The following LINGO2 variants were observed in gnomAD, a reference collection of about 807,000 sequenced individuals.
The protein encoded by LINGO2 is leucine-rich repeat and immunoglobulin-like domain-containing nogo receptor-interacting protein 2.
A neutral mutation model predicts 30.6 loss-of-function variants in LINGO2; 14 were observed. The ratio of observed to expected loss-of-function variants is 0.46; its 90% CI spans 0.30 to 0.72. LINGO2 has a LOEUF of 0.72. Among genes scored for constraint, LINGO2 ranks in the 30% least tolerant of loss-of-function variants. LINGO2 has a pLI of 0.07. For missense variants in LINGO2, 729 were observed against 751.7 expected, an observed-to-expected ratio of 0.97 and a Z score of 0.35; for synonymous variants, 317 against 288.5, an observed-to-expected ratio of 1.10 and a Z score of -1.00.
At chr9:28,636,503 AATG>A (rs1827282705) in intron 1 of LINGO2, among the ~76,000 whole-genome samples, 1 of 152,110 alleles carries the variant, frequency 6.6e-6, no homozygotes, top group Non-Finnish European at 1.5e-5. Context: ...CTGACTTTTT[AATG>A]ATTGCCATTC....
intron 1 of LINGO2, among the ~76,000 whole-genome samples, chr9:28,574,120 G>A (rs544099010): frequency 1.3e-5 from 2 of 152,244 alleles, no homozygotes; most frequent in Middle Eastern, 3.4e-3. Context: ...TTTCACTACA[G>A]ACTTCTAAGC....
At chr9:28,601,878 G>T (rs922411522) in intron 1 of LINGO2, among the ~76,000 whole-genome samples, 3 of 152,004 alleles carry the variant, frequency 2.0e-5, no homozygotes, top group Non-Finnish European at 4.4e-5. Flanking sequence ...TAAAGCTAGT[G>T]AAAAAAGGCA....
chr9:29,008,778 G>T, the LINGO2 span, among the ~76,000 whole-genome samples: 1 of 151,846 alleles, frequency 6.6e-6, no homozygotes. Context: ...GGGGTTGTTT[G>T]ATTTTTTTCT....
At chr9:28,302,648 G>T (rs1824192656) in intron 3 of LINGO2, among the ~76,000 whole-genome samples, 1 of 152,138 alleles carries the variant, frequency 6.6e-6, no homozygotes, top group Non-Finnish European at 1.5e-5. Flanking sequence ...TCCAACCTGG[G>T]CAACTGAGTG....
the LINGO2 span, among the ~76,000 whole-genome samples, chr9:29,097,828 T>C: frequency 7.2e-6 from 1 of 138,732 alleles, no homozygotes; most frequent in Admixed American, 7.4e-5. Flanking sequence ...AATACTATGA[T>C]AGCTAATCTG....
At chr9:28,366,724 G>A (rs1820691526) in intron 3 of LINGO2, among the ~76,000 whole-genome samples, 1 of 133,678 alleles carries the variant, frequency 7.5e-6, no homozygotes, top group East Asian at 2.5e-4. Flanking sequence ...AAGCAGGTAT[G>A]TAAAGTTAAA....
chr9:28,630,215 A>AC (rs936990442), intron 1 of LINGO2, among the ~76,000 whole-genome samples: 1 of 152,106 alleles, frequency 6.6e-6, no homozygotes, highest in African/African-American at 2.4e-5. Context: ...GTATAATAAA[A>AC]AAATAAATAC....
the LINGO2 span, among the ~76,000 whole-genome samples, chr9:28,901,331 A>G: frequency 1.3e-5 from 2 of 152,170 alleles, no homozygotes; most frequent in Admixed American, 1.3e-4. Context: ...TTCTTTAACC[A>G]GAAAGAAAAG....
the LINGO2 span, among the ~76,000 whole-genome samples, chr9:29,133,201 G>A: frequency 6.6e-6 from 1 of 151,918 alleles, no homozygotes; most frequent in African/African-American, 2.4e-5. Context: ...ACACAATACT[G>A]GTCACTTTTT....
At chr9:28,995,206 G>A in the LINGO2 span, among the ~76,000 whole-genome samples, 6 of 152,312 alleles carry the variant, frequency 3.9e-5, no homozygotes, top group Admixed American at 2.0e-4. Context: ...AAATCTGGGT[G>A]AAGGACATGA....
chr9:28,594,961 G>T (rs1013364459), intron 1 of LINGO2, among the ~76,000 whole-genome samples: 1 of 152,070 alleles, frequency 6.6e-6, no homozygotes, highest in Non-Finnish European at 1.5e-5. Context: ...TAAAACGTAA[G>T]ATTTCATTTG....
the LINGO2 span, among the ~76,000 whole-genome samples, chr9:29,143,795 T>C: frequency 6.6e-6 from 1 of 152,212 alleles, no homozygotes; most frequent in African/African-American, 2.4e-5. Context: ...TTATCAGTTT[T>C]TGCTTTCATT....
At chr9:28,771,558 G>A in the LINGO2 span, among the ~76,000 whole-genome samples, 2 of 149,964 alleles carry the variant, frequency 1.3e-5, no homozygotes, top group Non-Finnish European at 3.0e-5. Context: ...GAATTAATTG[G>A]ACATTAGTCA....
intron 4 of LINGO2, among the ~76,000 whole-genome samples, chr9:28,057,559 A>ATATATACATATATATACAAATATATG (rs1824987081): frequency 7.9e-6 from 1 of 126,168 alleles, no homozygotes; most frequent in Non-Finnish European, 1.7e-5. Context: ...ATAAGTATAT[A>ATATATACATATATATACAAATATATG]TATATACATA....
At chr9:28,996,817 A>C in the LINGO2 span, among the ~76,000 whole-genome samples, 1 of 152,210 alleles carries the variant, frequency 6.6e-6, no homozygotes, top group African/African-American at 2.4e-5. Flanking sequence ...CTAGGCACGT[A>C]AGAAAAATTA....
chr9:29,123,889 C>T, the LINGO2 span, among the ~76,000 whole-genome samples: 1 of 151,942 alleles, frequency 6.6e-6, no homozygotes, highest in East Asian at 1.9e-4. Context: ...GTTGTTCTTG[C>T]TTAAGAAAAG....
rs61397051 is a variant in LINGO2, at chr9:28,322,438, TACACACACACACACACACACAC to T, written c.-245-27094_-245-27073del. ...GTTCCTAGACATAGTAGGCACTCAG[TACACACACACACACACACACAC>T]ACACACACACACACACACACGTTTA... On this transcript the variant is annotated intron_variant, in intron 3 of 5. Transcript: ENST00000379992. 5.8e-4 allele frequency among the ~76,000 whole-genome samples: 87 copies of T among 150,580 alleles called. No homozygotes were observed. The East Asian group carries it at 0.012, about 21-fold the overall frequency.
At chr9:28,842,110 G>A in the LINGO2 span, among the ~76,000 whole-genome samples, 1 of 151,774 alleles carries the variant, frequency 6.6e-6, no homozygotes, top group African/African-American at 2.4e-5. Flanking sequence ...GTAAATGGTG[G>A]TCCAGACCAA....
At chr9:27,990,178 G>T (rs1821323292) in intron 5 of LINGO2, among the ~76,000 whole-genome samples, 1 of 151,944 alleles carries the variant, frequency 6.6e-6, no homozygotes, top group Admixed American at 6.6e-5. Context: ...TTATGAAATT[G>T]CCAATATTCT....
Sources: allele counts gnomAD v4.1 joint callset (sites outside exome capture counted in the v4.1 genomes callset), GRCh38; gene constraint gnomAD v4.1.1; transcripts MANE v1.5; gene names NCBI Gene and HGNC (gene_info 2026-07-23, HGNC 2026-07-21).